The following MYH3 variants were observed in gnomAD, a reference collection of about 807,000 sequenced individuals.
MYH3 encodes the protein myosin-3.
Under a neutral mutation model 238.0 loss-of-function variants are expected in MYH3, and 130 were observed. The observed-to-expected ratio is 0.55, with a 90% CI of 0.47 to 0.63. MYH3 has a LOEUF of 0.63. Among genes scored for constraint, MYH3 ranks in the 30% least tolerant of loss-of-function variants. The probability of loss-of-function intolerance (pLI) is 0.00; values close to 1 mark genes in which losing one functional copy is unlikely to be tolerated. For synonymous variants in MYH3, 880 were observed against 924.1 expected (o/e 0.95, Z 0.86); for missense variants, 1,853 against 2,374.9 (o/e 0.78, Z 4.57).
In MYH3 at chr17:10,647,392, C is replaced by G; in HGVS notation, c.770G>C (p.Gly257Ala). ...KFIRIHFGTTGKLASADIETY... is the reference protein window; with the variant it reads ...KFIRIHFGTTAKLASADIETY... ...TTCAATATCTGCAGAGGCCAGCTTC[C>G]CAGTGGTTCCAAAATGGATTCGGAT... The change falls in exon 9 of 41, where the codon GGG becomes GCG. Residue 257 changes from glycine (G) to alanine (A), a missense_variant. Gly to Ala is a moderately conservative substitution (Grantham distance 60). Around this residue, in one of 3 missense-constraint regions of MYH3, gnomAD observed 678 missense variants for 1,058.9 expected, o/e 0.64. Coordinates refer to ENST00000583535, the MANE Select transcript of MYH3 (RefSeq NM_002470.4). 6.2e-7 allele frequency: 1 copy of G among 1,614,228 alleles called. No individual in the cohort carries two copies. Among genetic ancestry groups the G allele is most frequent in the Non-Finnish European group, 8.5e-7 (1 of 1,180,052 alleles).
At position 10,643,015 on chromosome 17, in the gene MYH3, A is replaced by G. The variant is rs375472078; in HGVS notation, c.1411-19T>C. ...TGTTATACTAATAAAAAAATACAAC[A>G]TTCATGTGAAAAGTTAGACTTCTTT... On this transcript the variant is annotated intron_variant, in intron 14 of 40. Transcript: ENST00000583535. The G allele has an allele frequency of 4.8e-5, 77 of 1,614,160 alleles. No homozygotes were observed. The African/African-American group carries it at 7.3e-4, about 15-fold the overall frequency.
intron 8 of MYH3, among the ~76,000 whole-genome samples, chr17:10,648,184 C>T (rs2074341814): frequency 6.6e-6 from 1 of 152,064 alleles, no homozygotes; most frequent in Admixed American, 6.5e-5. Context: ...CCACACAGAC[C>T]CTCTGTAGGT....
Position 10,639,199 on chromosome 17 carries a change from G to A in MYH3, c.3103-10C>T, listed in dbSNP as rs775905335. On this transcript the variant is annotated splice_polypyrimidine_tract_variant and intron_variant, in intron 24 of 40. Transcript: ENST00000583535. The stretch of plus-strand genomic sequence containing the variant: ...CTAGGGAGCTTTCCAGCTGAAAAAG[G>A]CACCATTTCCTTTTGGGAACAAATG... The A allele has an allele frequency of 1.2e-6, 2 of 1,614,138 alleles. No individual in the cohort carries two copies. Among genetic ancestry groups the A allele is most frequent in the South Asian group, 1.1e-5 (1 of 91,076 alleles).
chr17:10,635,686 A>G (rs1323546716), intron 29 of MYH3, 49 bp downstream of exon 29: 4 of 1,612,282 alleles, frequency 2.5e-6, no homozygotes, highest in East Asian at 2.2e-5. Flanking sequence ...TTCCTCCTAC[A>G]GGTGATATTT....
At chr17:10,649,943 T>G (rs1179835633) in intron 6 of MYH3, among the ~76,000 whole-genome samples, 1 of 152,120 alleles carries the variant, frequency 6.6e-6, no homozygotes, top group Admixed American at 6.6e-5. Flanking sequence ...CAAATCGATC[T>G]TTTTATTTTT....
At chr17:10,675,426 C>A in the MYH3 span, 1 of 152,280 alleles carries the variant, frequency 6.6e-6, no homozygotes. Context: ...TCTTTCAAGA[C>A]TGCCTTTTGC....
At chr17:10,653,016 C>A (rs578144454) in intron 3 of MYH3, among the ~76,000 whole-genome samples, 7 of 152,042 alleles carry the variant, frequency 4.6e-5, no homozygotes, top group African/African-American at 9.7e-5. Flanking sequence ...CAGCTCACAG[C>A]GAGAGGAGGA....
Position 10,640,951 on chromosome 17 carries a change from T to C in MYH3, c.2165+134A>G, listed in dbSNP as rs899511532. 4.4e-6 allele frequency: 4 copies of C among 902,720 alleles called. No individual in the cohort carries two copies. The African/African-American group carries it at 6.5e-5, about 15-fold the overall frequency. 55.9% of individuals were successfully genotyped at this position (902,720 alleles called of 1,614,324 possible). ...AAATATATATAACTTGGCCAAATGG[T>C]AGATTGTTCAGTTTACATGGAGGTC... On this transcript the variant is annotated intron_variant, in intron 19 of 40. Transcript: ENST00000583535.
In MYH3 at chr17:10,638,856, AT is replaced by A. The variant is rs776286384; in HGVS notation, c.3339+16del. 4 of 1,610,298 alleles carry A rather than the reference AT, an allele frequency of 2.5e-6. No homozygotes were observed. Among genetic ancestry groups the A allele is most frequent in the African/African-American group, 2.7e-5 (2 of 74,964 alleles). ...AAGTGGCCTCACATGGAAGAGAGAA[AT>A]GCAGAGGGCTCCTACCTGCAACTCT... On this transcript the variant is annotated intron_variant, in intron 26 of 40. Coordinates refer to ENST00000583535, the MANE Select transcript of MYH3 (RefSeq NM_002470.4).
chr17:10,674,418 C>T, the MYH3 span: 2 of 285,518 alleles, frequency 7.0e-6, no homozygotes, highest in East Asian at 2.7e-4. Flanking sequence ...AAGAGCGAAA[C>T]TCCATCTCAA....
At position 10,637,921 on chromosome 17, in the gene MYH3, T is replaced by A; in HGVS notation, c.3744A>T (p.Lys1248Asn). The A allele has an allele frequency of 6.2e-7, 1 of 1,614,064 alleles. No individual in the cohort carries two copies. ...ACTGATCCTCCAGGGTTCGGCAGAT[T>A]TTTTCCAGATTTGCCTGAAGGATTC... ...SVSKSKANLE[K>N]ICRTLEDQLS... Residue 1248 changes from lysine to asparagine, a missense_variant, in exon 28 of 41, where the codon AAA becomes AAT. By Grantham distance (94) the Lys-to-Asn change is moderately conservative. Coordinates refer to ENST00000583535, the MANE Select transcript of MYH3 (RefSeq NM_002470.4).
At chr17:10,632,110 GTTTT>G (rs758143517) in intron 34 of MYH3, 94 bp from the exon 35 acceptor site, 5 of 1,379,702 alleles carry the variant, frequency 3.6e-6, no homozygotes, top group Non-Finnish European at 4.9e-6. Flanking sequence ...TTGTTTGTTT[GTTTT>G]TGTTTTGTTT....
At chr17:10,645,073 T>C (rs2074307553) in intron 12 of MYH3, among the ~76,000 whole-genome samples, 1 of 150,810 alleles carries the variant, frequency 6.6e-6, no homozygotes, top group African/African-American at 2.4e-5. Flanking sequence ...AGTCTTACTG[T>C]GTTGCCCAGG....
upstream of MYH3, chr17:10,659,062 G>C (rs2074462528): frequency 6.6e-6 from 1 of 152,226 alleles, no homozygotes; most frequent in Non-Finnish European, 1.5e-5. Flanking sequence ...GGCGGGGGTG[G>C]ACGTGGGAAC....
At position 10,654,802 on chromosome 17, in the gene MYH3, C is replaced by T. The variant is rs564312919; in HGVS notation, c.204+59G>A. On this transcript the variant is annotated intron_variant, in intron 3 of 40. Transcript: ENST00000583535. The surrounding 1 kb of genome is among the most constrained non-coding windows in gnomAD (Gnocchi z 4.5). ...GCTGGGGTTGGGCAGATGCATACCC[C>T]AGGCAAGCACAAGGACCAGGTGGAG... is the stretch of plus-strand genomic sequence containing the variant. 1 of 1,532,140 alleles carries T rather than the reference C, an allele frequency of 6.5e-7. No homozygotes were observed. Among genetic ancestry groups the T allele is most frequent in the Non-Finnish European group, 9.0e-7 (1 of 1,105,352 alleles). 94.9% of individuals were successfully genotyped at this position (1,532,140 alleles called of 1,614,324 possible).
At chr17:10,658,883 G>A (rs2074460666), upstream of MYH3, 2 of 152,364 alleles carry the variant, frequency 1.3e-5, no homozygotes, top group African/African-American at 4.8e-5. Context: ...CTGCCCTGTT[G>A]GCCCAGTGAT....
rs2074404793 is a variant in MYH3 at position 10,654,146 on chromosome 17, TC to T, written c.204+714del. Among the ~76,000 whole-genome samples, 3 of 78,756 alleles carry T rather than the reference TC, an allele frequency of 3.8e-5. No homozygotes were observed. The highest frequency in any genetic ancestry group is 1.0e-4 in the African/African-American group (3 of 29,400). The allele number at this position is 78,756 out of a possible 152,430, so 51.7% of individuals were successfully genotyped here. A position where few individuals can be genotyped will look rare whatever the true frequency, so the allele number is the denominator to read the frequency against. The stretch of plus-strand genomic sequence containing the variant: ...ACTTGTCTCTTTTATTTTCTTTCTT[TC>T]TTTCTCTTTCTTTCTTTCCTTCCTT... On this transcript the variant is annotated intron_variant, in intron 3 of 40. Transcript: ENST00000583535. This position sits in a 1 kb window ranked among gnomAD's most constrained non-coding sequence, Gnocchi z 4.5.
rs143574829 is a variant in MYH3, at chr17:10,635,391, C to T, written c.4148G>A (p.Arg1383His). The T allele has an allele frequency of 8.7e-6, 14 of 1,613,908 alleles. No individual in the cohort carries two copies. The highest frequency in any genetic ancestry group is 4.0e-5 in the African/African-American group (3 of 74,938). ...RTKYETDAIQ[R>H]TEELEEAKKK... ...CTTGGCCTCCTCCAGCTCTTCTGTG[C>T]GCTGGATGGCGTCCGTCTCGTATTT... is the stretch of plus-strand genomic sequence containing the variant. The change falls in exon 30 of 41, where the codon CGC becomes CAC. Residue 1383 changes from arginine to histidine, a missense_variant. This residue lies in a region of MYH3 where 1,044 missense variants were observed against 1,192.6 expected (regional missense o/e 0.88). Transcript: ENST00000583535.
In MYH3 at chr17:10,642,149, C is replaced by T; in HGVS notation, c.1959+91G>A. On this transcript the variant is annotated intron_variant, in intron 17 of 40. Coordinates refer to ENST00000583535, the MANE Select transcript of MYH3 (RefSeq NM_002470.4). This position sits in a 1 kb window ranked among gnomAD's most constrained non-coding sequence, Gnocchi z 5.4. ...TAATCAGATTAAGACAACACTACTA[C>T]TCTCAAATAAATCAAGCTTAGAATC... 1 of 1,209,798 alleles carries T rather than the reference C, an allele frequency of 8.3e-7. No individual in the cohort carries two copies. The highest frequency in any genetic ancestry group is 1.3e-5 in the South Asian group (1 of 77,656). 74.9% of individuals were successfully genotyped at this position (1,209,798 alleles called of 1,614,324 possible).
Sources: allele counts gnomAD v4.1 joint callset (sites outside exome capture counted in the v4.1 genomes callset), GRCh38; gene constraint gnomAD v4.1.1; regional missense constraint gnomAD v4.1.1; non-coding constraint Gnocchi (gnomAD v3.1); transcripts MANE v1.5; gene names NCBI Gene and HGNC (gene_info 2026-07-23, HGNC 2026-07-21).